The following SHISA9 variants were observed in gnomAD, a reference collection of about 807,000 sequenced individuals.
SHISA9 encodes the protein shisa family member 9.
Under a neutral mutation model 38.0 loss-of-function variants are expected in SHISA9, and 13 were observed. That is an observed-to-expected ratio of 0.34 (90% CI 0.22 to 0.54). The LOEUF is 0.54. Ranked by LOEUF, SHISA9 falls within the 20% of genes least tolerant of loss-of-function variation. The pLI is 0.91. For missense variants in SHISA9, 538 were observed against 575.8 expected (o/e 0.93, Z 0.67); for synonymous variants, 275 against 242.0 (o/e 1.14, Z -1.27).
At chr16:13,547,705 C>A in the SHISA9 span, among the ~76,000 whole-genome samples, 1 of 152,164 alleles carries the variant, frequency 6.6e-6, no homozygotes, top group South Asian at 2.1e-4. Context: ...AAAACTCTCA[C>A]TGAAAATTTA....
intron 2 of SHISA9, among the ~76,000 whole-genome samples, chr16:12,993,778 C>T (rs1469724588): frequency 6.6e-6 from 1 of 152,082 alleles, no homozygotes; most frequent in African/African-American, 2.4e-5. Flanking sequence ...TCACAAAAGG[C>T]CATTCTGAGC....
the SHISA9 span, among the ~76,000 whole-genome samples, chr16:13,363,331 C>T: frequency 6.6e-6 from 1 of 152,184 alleles, no homozygotes; most frequent in Non-Finnish European, 1.5e-5. Flanking sequence ...AACTAAGTCT[C>T]CTTCGTTTGC....
At chr16:12,942,695 C>G (rs1418628627) in intron 2 of SHISA9, among the ~76,000 whole-genome samples, 1 of 152,228 alleles carries the variant, frequency 6.6e-6, no homozygotes, top group African/African-American at 2.4e-5. Flanking sequence ...CCGAATTTCC[C>G]TTTTCACTTT....
intron 1 of SHISA9, among the ~76,000 whole-genome samples, chr16:12,912,613 G>A (rs1479015751): frequency 1.3e-5 from 2 of 152,142 alleles, no homozygotes; most frequent in South Asian, 2.1e-4. Context: ...GGTTTGGAAG[G>A]CCTCTGTCTT....
At chr16:12,942,423 C>A (rs1321118343) in intron 2 of SHISA9, among the ~76,000 whole-genome samples, 1 of 152,216 alleles carries the variant, frequency 6.6e-6, no homozygotes, top group African/African-American at 2.4e-5. Context: ...TTTCTTCCAA[C>A]TGCACAGAAT....
the SHISA9 span, among the ~76,000 whole-genome samples, chr16:13,524,612 G>C: frequency 6.6e-6 from 1 of 152,210 alleles, no homozygotes; most frequent in African/African-American, 2.4e-5. Flanking sequence ...AGACTGGAGT[G>C]TAGTGGTGTG....
chr16:13,061,689 A>G (rs191658902), intron 2 of SHISA9, among the ~76,000 whole-genome samples: 1 of 152,342 alleles, frequency 6.6e-6, no homozygotes, highest in East Asian at 1.9e-4. Context: ...GCAATTCATT[A>G]CAGGAAGCAA....
chr16:12,917,617 A>C (rs892879467), intron 2 of SHISA9, among the ~76,000 whole-genome samples: 1 of 152,238 alleles, frequency 6.6e-6, no homozygotes, highest in African/African-American at 2.4e-5. Flanking sequence ...AGAAAAAATA[A>C]GATTGTTTAG....
chr16:13,237,818 A>T lies in SHISA9; in HGVS notation c.*2409A>T, dbSNP rs2051400830. 1 of 152,138 alleles carries T rather than the reference A, an allele frequency of 6.6e-6. No homozygotes were observed. The highest frequency in any genetic ancestry group is 2.1e-4 in the South Asian group (1 of 4,822). 9.4% of individuals were successfully genotyped at this position (152,138 alleles called of 1,614,324 possible). A position where few individuals can be genotyped will look rare whatever the true frequency, so the allele number is the denominator to read the frequency against. On this transcript the variant is annotated 3_prime_UTR_variant, in exon 5 of 5. Transcript: ENST00000558583. ...ACCCCAGAGCTTCCCAGAGTCAAGT[A>T]AATACCACTGGGCATGGTCAGAGTT...
At chr16:13,487,041 G>A in the SHISA9 span, among the ~76,000 whole-genome samples, 1 of 152,114 alleles carries the variant, frequency 6.6e-6, no homozygotes, top group Admixed American at 6.5e-5. Context: ...TCTTGGTTCT[G>A]CACCAGGCTA....
intron 1 of SHISA9, chr16:12,911,402 T>A (rs1024826383): frequency 1.0e-6 from 1 of 984,734 alleles, no homozygotes; most frequent in Non-Finnish European, 1.2e-6. Flanking sequence ...AAAATGTTTT[T>A]TTGTATGCAC....
chr16:13,509,800 A>T, the SHISA9 span, among the ~76,000 whole-genome samples: 1 of 152,236 alleles, frequency 6.6e-6, no homozygotes, highest in South Asian at 2.1e-4. Flanking sequence ...GATAGGTGTC[A>T]TTTTGTCTAT....
chr16:13,011,768 G>A (rs1299705773), intron 2 of SHISA9, among the ~76,000 whole-genome samples: 2 of 152,032 alleles, frequency 1.3e-5, no homozygotes, highest in Non-Finnish European at 1.5e-5. Flanking sequence ...TGATCCGCCT[G>A]CCTCGGCCTC....
chr16:13,319,782 GA>G, the SHISA9 span, among the ~76,000 whole-genome samples: 1 of 146,712 alleles, frequency 6.8e-6, no homozygotes, highest in Non-Finnish European at 1.5e-5. Context: ...GTACAGTGCA[GA>G]GATGTGCACA....
At chr16:13,138,817 T>G (rs961900904) in intron 2 of SHISA9, among the ~76,000 whole-genome samples, 1 of 152,220 alleles carries the variant, frequency 6.6e-6, no homozygotes. Flanking sequence ...TTTTATTATT[T>G]TTTTTTTGTA....
chr16:13,281,892 C>G, the SHISA9 span, among the ~76,000 whole-genome samples: 1 of 151,660 alleles, frequency 6.6e-6, no homozygotes. Context: ...ATTTCATTAC[C>G]CAGCACCCTT....
chr16:13,337,658 A>G, the SHISA9 span, among the ~76,000 whole-genome samples: 2 of 152,096 alleles, frequency 1.3e-5, no homozygotes, highest in Admixed American at 1.3e-4. Context: ...GAAGCTTTTC[A>G]TGTGGTTTGG....
chr16:13,426,685 A>G, the SHISA9 span, among the ~76,000 whole-genome samples: 1 of 152,254 alleles, frequency 6.6e-6, no homozygotes, highest in African/African-American at 2.4e-5. Flanking sequence ...CACATGGCTA[A>G]CTTAATAAAG....
chr16:13,260,607 G>C, the SHISA9 span, among the ~76,000 whole-genome samples: 1 of 152,066 alleles, frequency 6.6e-6, no homozygotes, highest in Non-Finnish European at 1.5e-5. Flanking sequence ...CCTCAGCCTG[G>C]ACCTTATTGT....
Sources: allele counts gnomAD v4.1 joint callset (sites outside exome capture counted in the v4.1 genomes callset), GRCh38; gene constraint gnomAD v4.1.1; transcripts MANE v1.5; gene names NCBI Gene and HGNC (gene_info 2026-07-23, HGNC 2026-07-21).